The following C12orf42 variants were observed in gnomAD, a reference collection of about 807,000 sequenced individuals.
C12orf42 encodes the protein uncharacterized protein C12orf42.
A neutral mutation model predicts 21.6 loss-of-function variants in C12orf42; 25 were observed. That is an observed-to-expected ratio of 1.16 (90% CI 0.84 to 1.62). The LOEUF (loss-of-function observed/expected upper bound fraction) is 1.62, where lower values mean the gene tolerates loss of function less well. Among genes scored for constraint, C12orf42 ranks in the 40% most tolerant of loss-of-function variants. The pLI is 0.00. For missense variants in C12orf42, 483 were observed against 459.3 expected (o/e 1.05, Z -0.47); for synonymous variants, 174 against 175.0 (o/e 0.99, Z 0.05).
chr12:103,223,246 G>A, the C12orf42 span, among the ~76,000 whole-genome samples: 2 of 152,166 alleles, frequency 1.3e-5, no homozygotes, highest in African/African-American at 4.8e-5. Flanking sequence ...GCTGCTTCAA[G>A]TGGGATTAGG....
intron 3 of C12orf42, among the ~76,000 whole-genome samples, chr12:103,393,268 T>C (rs976937265): frequency 6.6e-6 from 1 of 152,066 alleles, no homozygotes; most frequent in African/African-American, 2.4e-5. Context: ...ACAGTCATGA[T>C]GGAAGGGGAA....
intron 4 of C12orf42, among the ~76,000 whole-genome samples, chr12:103,359,479 C>A (rs1212395838): frequency 1.3e-5 from 2 of 151,602 alleles, no homozygotes; most frequent in African/African-American, 2.4e-5. Context: ...ACCACTTAGC[C>A]ATAAAAAGGA....
chr12:103,520,120 A>G, the C12orf42 span, among the ~76,000 whole-genome samples: 1 of 152,196 alleles, frequency 6.6e-6, no homozygotes, highest in Non-Finnish European at 1.5e-5. Flanking sequence ...CAAGACTCAG[A>G]ATAGGTGGTC....
At chr12:103,069,851 T>C in the C12orf42 span, among the ~76,000 whole-genome samples, 1 of 152,212 alleles carries the variant, frequency 6.6e-6, no homozygotes, top group East Asian at 1.9e-4. Flanking sequence ...CAGAGAGGTC[T>C]CACCATGTCC....
chr12:103,190,356 G>A, the C12orf42 span, among the ~76,000 whole-genome samples: 1 of 151,318 alleles, frequency 6.6e-6, no homozygotes, highest in African/African-American at 2.4e-5. Flanking sequence ...CTCACAGTGA[G>A]GGTAGGCCTT....
the C12orf42 span, among the ~76,000 whole-genome samples, chr12:103,065,900 G>A: frequency 6.6e-6 from 1 of 152,264 alleles, no homozygotes; most frequent in East Asian, 1.9e-4. Flanking sequence ...TTTTGAGTGG[G>A]GTCCAGAACA....
chr12:103,456,990 C>T (rs1411736657), intron 2 of C12orf42, among the ~76,000 whole-genome samples: 1 of 152,056 alleles, frequency 6.6e-6, no homozygotes, highest in Non-Finnish European at 1.5e-5. Flanking sequence ...AAACACTGTT[C>T]TGAAAATGCA....
chr12:103,150,006 T>C, the C12orf42 span, among the ~76,000 whole-genome samples: 1 of 152,192 alleles, frequency 6.6e-6, no homozygotes, highest in African/African-American at 2.4e-5. Context: ...CCCTATATGA[T>C]AGCTTATTTT....
intron 4 of C12orf42, among the ~76,000 whole-genome samples, chr12:103,331,721 G>C (rs1159692315): frequency 6.6e-6 from 1 of 152,180 alleles, no homozygotes; most frequent in East Asian, 1.9e-4. Flanking sequence ...ACAACTCTGA[G>C]ACCACGCAGC....
At chr12:103,205,598 C>T in the C12orf42 span, among the ~76,000 whole-genome samples, 9 of 152,010 alleles carry the variant, frequency 5.9e-5, no homozygotes, top group African/African-American at 1.4e-4. Context: ...CATATTAGCC[C>T]GTATCTCAGC....
chr12:103,542,035 C>A, the C12orf42 span, among the ~76,000 whole-genome samples: 1 of 152,066 alleles, frequency 6.6e-6, no homozygotes, highest in Non-Finnish European at 1.5e-5. Flanking sequence ...TCATTGAAGG[C>A]AATGAGACTA....
the C12orf42 span, among the ~76,000 whole-genome samples, chr12:103,514,133 A>G: frequency 6.6e-6 from 1 of 152,226 alleles, no homozygotes; most frequent in Non-Finnish European, 1.5e-5. Flanking sequence ...ATGAGAGCCC[A>G]GTGAAGGGGG....
At chr12:103,266,346 C>T (rs1386210846), downstream of C12orf42, among the ~76,000 whole-genome samples, 1 of 152,092 alleles carries the variant, frequency 6.6e-6, no homozygotes, top group Non-Finnish European at 1.5e-5. Context: ...TGGCCCAGCC[C>T]TGGACTTCCT....
At chr12:103,187,742 C>T in the C12orf42 span, among the ~76,000 whole-genome samples, 1 of 152,190 alleles carries the variant, frequency 6.6e-6, no homozygotes, top group Non-Finnish European at 1.5e-5. Context: ...GCAGCAGCTG[C>T]ATCAAGATTT....
At chr12:103,173,147 C>T in the C12orf42 span, among the ~76,000 whole-genome samples, 10 of 152,200 alleles carry the variant, frequency 6.6e-5, no homozygotes, top group South Asian at 4.1e-4. Context: ...CAGAGTTGTT[C>T]GTACATTTTA....
At chr12:103,082,740 T>C in the C12orf42 span, among the ~76,000 whole-genome samples, 2 of 152,232 alleles carry the variant, frequency 1.3e-5, no homozygotes, top group South Asian at 2.1e-4. Flanking sequence ...ATACCTTATA[T>C]GTACAAAGCC....
chr12:103,486,707 G>C (rs1324644981), intron 1 of C12orf42, among the ~76,000 whole-genome samples: 2 of 152,126 alleles, frequency 1.3e-5, no homozygotes, highest in East Asian at 1.9e-4. Context: ...ATATGTCCAG[G>C]AATTTATCCA....
the C12orf42 span, among the ~76,000 whole-genome samples, chr12:103,101,344 TC>T: frequency 6.6e-6 from 1 of 152,226 alleles, no homozygotes; most frequent in Non-Finnish European, 1.5e-5. Flanking sequence ...CATTAACACC[TC>T]AGATAAGCTC....
intron 3 of C12orf42, among the ~76,000 whole-genome samples, chr12:103,391,574 C>A (rs917356433): frequency 2.6e-5 from 4 of 151,874 alleles, no homozygotes; most frequent in African/African-American, 9.7e-5. Flanking sequence ...GGAGAAATTT[C>A]TTTTCAAGTC....
Sources: gnomAD v4.1 joint callset for allele counts (sites outside exome capture counted in the v4.1 genomes callset) on GRCh38, gnomAD v4.1.1 for gene constraint, MANE v1.5 for transcripts, NCBI Gene and HGNC (gene_info 2026-07-23, HGNC 2026-07-21) for gene names.